The following KRTAP3-2 variants were observed in gnomAD, a reference collection of about 807,000 sequenced individuals.
KRTAP3-2 encodes the protein keratin-associated protein 3-2.
Under a neutral mutation model 5.4 loss-of-function variants are expected in KRTAP3-2, and 2 were observed. That is an observed-to-expected ratio of 0.37 (90% confidence interval 0.15 to 1.17). The LOEUF is 1.17. KRTAP3-2 is among the 50% of genes most tolerant of loss of function. KRTAP3-2 has a pLI of 0.37. For missense variants in KRTAP3-2, 113 were observed against 122.0 expected, an observed-to-expected ratio of 0.93 and a Z score of 0.35; for synonymous variants, 49 against 48.0, an observed-to-expected ratio of 1.02 and a Z score of -0.08.
chr17:40,999,721 G>C lies in KRTAP3-2; in HGVS notation c.133C>G (p.Pro45Ala). ...TCPHTVWLLE[P>A]ICCDNCPPPC... ...GGGGGACAGTTGTCACAGCAGATGGGCTCCAGTAACCAAACTGTGTGTGGG... is the reference window on the plus strand; with the variant it reads ...GGGGGACAGTTGTCACAGCAGATGGCCTCCAGTAACCAAACTGTGTGTGGG... The change falls in exon 1 of 1, where the codon CCC becomes GCC. Residue 45 changes from proline to alanine, a missense_variant. By Grantham distance (27) the Pro-to-Ala change is conservative (BLOSUM62 -1). Coordinates refer to ENST00000391587, the MANE Select transcript of KRTAP3-2 (RefSeq NM_031959.3). 2 of 1,614,066 alleles carry C rather than the reference G, an allele frequency of 1.2e-6. No homozygotes were observed. The highest frequency in any genetic ancestry group is 2.2e-5 in the South Asian group (2 of 91,080).
In KRTAP3-2 at chr17:40,999,571, G is replaced by A. The variant is rs908081924; in HGVS notation, c.283C>T (p.Pro95Ser). 1.9e-6 allele frequency: 3 copies of A among 1,613,746 alleles called. No individual in the cohort carries two copies. The Admixed American group carries it at 5.0e-5, about 27-fold the overall frequency. ...FTQPCCEPCL[P>S]RGC is the part of the protein sequence containing the mutation. The stretch of plus-strand genomic sequence containing the variant: ...GTAGCCATCCATCAGCAGCCTCTTG[G>A]GAGGCAGGGCTCACAGCAGGGCTGA... Residue 95 changes from proline (P) to serine (S), a missense_variant, in exon 1 of 1, where the codon CCA (proline) becomes TCA (serine). Transcript: ENST00000391587.
Position 40,999,284 on chromosome 17 carries a change from A to G in KRTAP3-2, c.*273T>C. ...CAAGAAACAAGAGCCAGGAAGCAAT[A>G]TGATCAAGAACATGTAATCTGAGGT... On this transcript the variant is annotated 3_prime_UTR_variant, in exon 1 of 1. Coordinates refer to ENST00000391587, the MANE Select transcript of KRTAP3-2 (RefSeq NM_031959.3). 1 of 439,826 alleles carries G rather than the reference A, an allele frequency of 2.3e-6. No homozygotes were observed. The highest frequency in any genetic ancestry group is 3.5e-5 in the East Asian group (1 of 28,382). The allele number at this position is 439,826 out of a possible 1,614,324, so 27.2% of individuals were successfully genotyped here.
In KRTAP3-2 at chr17:40,999,788, G is replaced by A. The variant is rs199782045; in HGVS notation, c.66C>T (p.Ser22=). The part of the protein sequence containing the change: ...PTGPATTICS[S]DKSCRCGVCL... ...AGACTCCACAGCGGCAGGATTTGTC[G>A]GAGGAGCAGATGGTGGTGGCAGGCC... Residue 22 remains serine, a synonymous_variant, in exon 1 of 1, where the codon TCC becomes TCT. Coordinates refer to ENST00000391587, the MANE Select transcript of KRTAP3-2 (RefSeq NM_031959.3). The A allele has an allele frequency of 1.7e-4, 276 of 1,614,088 alleles. No individual in the cohort carries two copies. Among genetic ancestry groups the A allele is most frequent in the East Asian group, 2.5e-4 (11 of 44,888 alleles).
In KRTAP3-2 at chr17:40,999,692, G is replaced by C; in HGVS notation, c.162C>G (p.Pro54=). ...EPICCDNCPP[P]CHIPQPCVPT... ...GCACGCAGGGCTGAGGAATGTGGCA[G>C]GGTGGGGGACAGTTGTCACAGCAGA... Residue 54 remains proline, a synonymous_variant, in exon 1 of 1, where the codon CCC becomes CCG. Transcript: ENST00000391587. The C allele has an allele frequency of 1.2e-6, 2 of 1,614,062 alleles. No individual in the cohort carries two copies. The highest frequency in any genetic ancestry group is 2.2e-5 in the South Asian group (2 of 91,084).
rs759187488 is a variant in KRTAP3-2 at position 40,999,520 on chromosome 17, T to G, written c.*37A>C. On this transcript the variant is annotated 3_prime_UTR_variant, in exon 1 of 1. Coordinates refer to ENST00000391587, the MANE Select transcript of KRTAP3-2 (RefSeq NM_031959.3). ...GAATACTGAAGGGACAGCTTCTGGA[T>G]TCTTCGTTGTCGGGCACTGAGCAAA... 6.2e-7 allele frequency: 1 copy of G among 1,603,896 alleles called. No individual in the cohort carries two copies. The highest frequency in any genetic ancestry group is 8.5e-7 in the Non-Finnish European group (1 of 1,173,526).
At position 40,999,863 on chromosome 17, in the gene KRTAP3-2, C is replaced by A. The variant is rs777239735; in HGVS notation, c.-10G>T. On this transcript the variant is annotated 5_prime_UTR_variant, in exon 1 of 1. Coordinates refer to ENST00000391587, the MANE Select transcript of KRTAP3-2 (RefSeq NM_031959.3). ...AGGCACAGCAATCCATGGCAATGGGCGTCTGGTTAGCTTTCAGTTTCTTAG... is the reference window on the plus strand; with the variant it reads ...AGGCACAGCAATCCATGGCAATGGGAGTCTGGTTAGCTTTCAGTTTCTTAG... 6.2e-7 allele frequency: 1 copy of A among 1,613,592 alleles called. No individual in the cohort carries two copies. The highest frequency in any genetic ancestry group is 8.5e-7 in the Non-Finnish European group (1 of 1,179,634).
In KRTAP3-2 at chr17:40,999,812, C is replaced by A. The variant is rs777467906; in HGVS notation, c.42G>T (p.Gly14=). Residue 14 remains glycine, a synonymous_variant, in exon 1 of 1, where the codon GGG becomes GGT. Coordinates refer to ENST00000391587, the MANE Select transcript of KRTAP3-2 (RefSeq NM_031959.3). The stretch of plus-strand genomic sequence containing the variant: ...CGGAGGAGCAGATGGTGGTGGCAGG[C>A]CCAGTGGGGACACTGCAGCTGCGAG... ...CASRSCSVPT[G]PATTICSSDK... is the part of the protein sequence containing the mutation. 1 of 1,614,100 alleles carries A rather than the reference C, an allele frequency of 6.2e-7. No homozygotes were observed. Among genetic ancestry groups the A allele is most frequent in the South Asian group, 1.1e-5 (1 of 91,080 alleles).
In KRTAP3-2 at chr17:40,999,795, C is replaced by T; in HGVS notation, c.59G>A (p.Cys20Tyr). Residue 20 changes from cysteine (C) to tyrosine (Y), a missense_variant, in exon 1 of 1, where the codon TGC (cysteine) becomes TAC (tyrosine). Coordinates refer to ENST00000391587, the MANE Select transcript of KRTAP3-2 (RefSeq NM_031959.3). Reference sequence around the variant, plus strand: ...ACAGCGGCAGGATTTGTCGGAGGAGCAGATGGTGGTGGCAGGCCCAGTGGG... The same window carrying T: ...ACAGCGGCAGGATTTGTCGGAGGAGTAGATGGTGGTGGCAGGCCCAGTGGG... ...SVPTGPATTI[C>Y]SSDKSCRCGV... 2 of 1,614,144 alleles carry T rather than the reference C, an allele frequency of 1.2e-6. No individual in the cohort carries two copies. Among genetic ancestry groups the T allele is most frequent in the Non-Finnish European group, 1.7e-6 (2 of 1,180,042 alleles).
In KRTAP3-2 at chr17:40,999,344, T is replaced by C. The variant is rs2011749892; in HGVS notation, c.*213A>G. On this transcript the variant is annotated 3_prime_UTR_variant, in exon 1 of 1. Coordinates refer to ENST00000391587, the MANE Select transcript of KRTAP3-2 (RefSeq NM_031959.3). ...TGAAACAGTATTTTGCTAATAAAACTCATTCACCTGCCCACAGGAACCAAA... is the reference window on the plus strand; with the variant it reads ...TGAAACAGTATTTTGCTAATAAAACCCATTCACCTGCCCACAGGAACCAAA... The C allele has an allele frequency of 1.5e-6, 1 of 674,608 alleles. No individual in the cohort carries two copies. The highest frequency in any genetic ancestry group is 3.1e-5 in the Admixed American group (1 of 32,704). 41.8% of individuals were successfully genotyped at this position (674,608 alleles called of 1,614,324 possible). A position where few individuals can be genotyped will look rare whatever the true frequency, so the allele number is the denominator to read the frequency against.
In KRTAP3-2 at chr17:40,999,518, G is replaced by A. The variant is rs776287454; in HGVS notation, c.*39C>T. 4 of 1,602,928 alleles carry A rather than the reference G, an allele frequency of 2.5e-6. No individual in the cohort carries two copies. Among genetic ancestry groups the A allele is most frequent in the Non-Finnish European group, 3.4e-6 (4 of 1,173,092 alleles). On this transcript the variant is annotated 3_prime_UTR_variant, in exon 1 of 1. Transcript: ENST00000391587. ...GTGAATACTGAAGGGACAGCTTCTG[G>A]ATTCTTCGTTGTCGGGCACTGAGCA... is the stretch of plus-strand genomic sequence containing the variant.
chr17:40,999,659 G>A lies in KRTAP3-2; in HGVS notation c.195C>T (p.Cys65=), dbSNP rs1336779966. 1 of 1,614,044 alleles carries A rather than the reference G, an allele frequency of 6.2e-7. No homozygotes were observed. Among genetic ancestry groups the A allele is most frequent in the Non-Finnish European group, 8.5e-7 (1 of 1,179,970 alleles). Residue 65 remains cysteine, a synonymous_variant, in exon 1 of 1, where the codon TGC becomes TGT. Transcript: ENST00000391587. The part of the protein sequence containing the change: ...CHIPQPCVPT[C]FLLNSCQPTP... ...TTGGCTGGCAGGAGTTGAGCAGGAA[G>A]CAGGTGGGCACGCAGGGCTGAGGAA... is the stretch of plus-strand genomic sequence containing the variant.
chr17:40,999,752 G>C lies in KRTAP3-2; in HGVS notation c.102C>G (p.Ser34Arg), dbSNP rs1298054051. The C allele has an allele frequency of 6.2e-7, 1 of 1,613,974 alleles. No homozygotes were observed. Among genetic ancestry groups the C allele is most frequent in the South Asian group, 1.1e-5 (1 of 91,088 alleles). The change falls in exon 1 of 1, where the codon AGC becomes AGG. Residue 34 changes from serine (S) to arginine (R), a missense_variant. Physicochemically the swap from Ser to Arg is moderately radical, Grantham distance 110. Coordinates refer to ENST00000391587, the MANE Select transcript of KRTAP3-2 (RefSeq NM_031959.3). ...KSCRCGVCLP[S>R]TCPHTVWLLE... Reference sequence around the variant, plus strand: ...GTAACCAAACTGTGTGTGGGCAGGTGCTGGGCAGGCAGACTCCACAGCGGC... The same window carrying C: ...GTAACCAAACTGTGTGTGGGCAGGTCCTGGGCAGGCAGACTCCACAGCGGC...
rs745844142 is a variant in KRTAP3-2, at chr17:40,999,821, G to A, written c.33C>T (p.Val11=). The change falls in exon 1 of 1, where the codon GTC becomes GTT. Residue 11 remains valine (V), a synonymous_variant. Coordinates refer to ENST00000391587, the MANE Select transcript of KRTAP3-2 (RefSeq NM_031959.3). MDCCASRSCS[V]PTGPATTICS... ...AGATGGTGGTGGCAGGCCCAGTGGG[G>A]ACACTGCAGCTGCGAGAGGCACAGC... The A allele has an allele frequency of 6.2e-7, 1 of 1,614,068 alleles. No individual in the cohort carries two copies. The highest frequency in any genetic ancestry group is 8.5e-7 in the Non-Finnish European group (1 of 1,180,048).
At position 40,999,334 on chromosome 17, in the gene KRTAP3-2, C is replaced by G; in HGVS notation, c.*223G>C. 1.6e-6 allele frequency: 1 copy of G among 619,200 alleles called. No homozygotes were observed. The highest frequency in any genetic ancestry group is 2.7e-6 in the Non-Finnish European group (1 of 368,804). The allele number at this position is 619,200 out of a possible 1,614,324, so 38.4% of individuals were successfully genotyped here. A position where few individuals can be genotyped will look rare whatever the true frequency, so the allele number is the denominator to read the frequency against. ...TCTTAAAGATTGAAACAGTATTTTGCTAATAAAACTCATTCACCTGCCCAC... is the reference window on the plus strand; with the variant it reads ...TCTTAAAGATTGAAACAGTATTTTGGTAATAAAACTCATTCACCTGCCCAC... On this transcript the variant is annotated 3_prime_UTR_variant, in exon 1 of 1. Transcript: ENST00000391587.
Position 40,999,647 on chromosome 17 carries a change from G to A in KRTAP3-2, c.207C>T (p.Asn69=), listed in dbSNP as rs2011762950. 1 of 1,614,060 alleles carries A rather than the reference G, an allele frequency of 6.2e-7. No homozygotes were observed. Among genetic ancestry groups the A allele is most frequent in the African/African-American group, 1.3e-5 (1 of 75,004 alleles). The stretch of plus-strand genomic sequence containing the variant: ...CCAGGCCCGGAGTTGGCTGGCAGGA[G>A]TTGAGCAGGAAGCAGGTGGGCACGC... The part of the protein sequence containing the change: ...QPCVPTCFLL[N]SCQPTPGLET... The change falls in exon 1 of 1, where the codon AAC becomes AAT. Residue 69 remains asparagine (N), a synonymous_variant. Coordinates refer to ENST00000391587, the MANE Select transcript of KRTAP3-2 (RefSeq NM_031959.3).
chr17:40,999,224 C>A lies in KRTAP3-2; in HGVS notation c.*333G>T. On this transcript the variant is annotated 3_prime_UTR_variant, in exon 1 of 1. Coordinates refer to ENST00000391587, the MANE Select transcript of KRTAP3-2 (RefSeq NM_031959.3). ...GAGAAATATAGTTTATTGGAAAACC[C>A]ACCAAGAAATTTTCTTCTATGAAAA... is the stretch of plus-strand genomic sequence containing the variant. 1 of 288,742 alleles carries A rather than the reference C, an allele frequency of 3.5e-6. No individual in the cohort carries two copies. Among genetic ancestry groups the A allele is most frequent in the Non-Finnish European group, 6.4e-6 (1 of 156,936 alleles). 17.9% of individuals were successfully genotyped at this position (288,742 alleles called of 1,614,324 possible).
At position 40,999,400 on chromosome 17, in the gene KRTAP3-2, A is replaced by T; in HGVS notation, c.*157T>A. 2.6e-6 allele frequency: 3 copies of T among 1,134,756 alleles called. No individual in the cohort carries two copies. Among genetic ancestry groups the T allele is most frequent in the Non-Finnish European group, 3.7e-6 (3 of 815,676 alleles). 70.3% of individuals were successfully genotyped at this position (1,134,756 alleles called of 1,614,324 possible). A position where few individuals can be genotyped will look rare whatever the true frequency, so the allele number is the denominator to read the frequency against. On this transcript the variant is annotated 3_prime_UTR_variant, in exon 1 of 1. Transcript: ENST00000391587. Reference sequence around the variant, plus strand: ...TTTCAGCTAAATAACCATAAAAAATACTTTTCTTTTTTTCCCCCATTAAAA... The same window carrying T: ...TTTCAGCTAAATAACCATAAAAAATTCTTTTCTTTTTTTCCCCCATTAAAA...
At position 40,999,448 on chromosome 17, in the gene KRTAP3-2, TG is replaced by T; in HGVS notation, c.*108del. 6.9e-7 allele frequency: 1 copy of T among 1,454,804 alleles called. No individual in the cohort carries two copies. The highest frequency in any genetic ancestry group is 1.4e-5 in the African/African-American group (1 of 70,812). The allele number at this position is 1,454,804 out of a possible 1,614,324, so 90.1% of individuals were successfully genotyped here. A position where few individuals can be genotyped will look rare whatever the true frequency, so the allele number is the denominator to read the frequency against. ...AAACCAAAGGTAAGTTCTTCATATC[TG>T]GGTCATCTGGTCTACCTTAACATCT... On this transcript the variant is annotated 3_prime_UTR_variant, in exon 1 of 1. Coordinates refer to ENST00000391587, the MANE Select transcript of KRTAP3-2 (RefSeq NM_031959.3).
Position 40,999,494 on chromosome 17 carries a change from T to A in KRTAP3-2, c.*63A>T. 6.3e-7 allele frequency: 1 copy of A among 1,579,968 alleles called. No homozygotes were observed. Among genetic ancestry groups the A allele is most frequent in the South Asian group, 1.2e-5 (1 of 85,196 alleles). On this transcript the variant is annotated 3_prime_UTR_variant, in exon 1 of 1. Transcript: ENST00000391587. ...ACATCTGGCAAACTACTGAGGCAAGTGAATACTGAAGGGACAGCTTCTGGA... is the reference window on the plus strand; with the variant it reads ...ACATCTGGCAAACTACTGAGGCAAGAGAATACTGAAGGGACAGCTTCTGGA...
Sources: allele counts gnomAD v4.1 joint callset, GRCh38; gene constraint gnomAD v4.1.1; transcripts MANE v1.5; gene names NCBI Gene and HGNC (gene_info 2026-07-23, HGNC 2026-07-21).